Variants in GRIK4 observed in about 807,000 individuals in gnomAD.
The protein encoded by GRIK4 is glutamate receptor ionotropic, kainate 4.
In GRIK4, 40 loss-of-function variants were observed where a neutral mutation model predicts 104.9. The ratio of observed to expected loss-of-function variants is 0.38; its 90% CI spans 0.30 to 0.50. GRIK4 has a LOEUF of 0.50. Ranked by LOEUF, GRIK4 falls within the 20% of genes least tolerant of loss-of-function variation. The probability of loss-of-function intolerance (pLI) is 0.93; values close to 1 mark genes in which losing one functional copy is unlikely to be tolerated. For missense variants in GRIK4, 1,047 were observed against 1,308.1 expected, an observed-to-expected ratio of 0.80 and a Z score of 3.08; for synonymous variants, 485 against 524.9, an observed-to-expected ratio of 0.92 and a Z score of 1.04.
chr11:120,899,512 C>T (rs1378713745), intron 12 of GRIK4, among the ~76,000 whole-genome samples: 1 of 152,062 alleles, frequency 6.6e-6, no homozygotes, highest in Non-Finnish European at 1.5e-5. Flanking sequence ...AGTTCACCCT[C>T]CCTTCCCTGT....
chr11:120,862,338 A>AC, intron 9 of GRIK4: 1 of 462,870 alleles, frequency 2.2e-6, no homozygotes, highest in Non-Finnish European at 3.8e-6. Flanking sequence ...GTGTAGAGGC[A>AC]CTGAGTTGTC....
chr11:120,661,451 G>A (rs370180456), intron 3 of GRIK4, among the ~76,000 whole-genome samples: 5 of 152,240 alleles, frequency 3.3e-5, no homozygotes, highest in Non-Finnish European at 5.9e-5. Flanking sequence ...GGGTGGGGTT[G>A]GGGGTGGGAG....
chr11:120,580,394 G>T (rs1441820483), intron 1 of GRIK4, among the ~76,000 whole-genome samples: 1 of 151,890 alleles, frequency 6.6e-6, no homozygotes, highest in Non-Finnish European at 1.5e-5. Context: ...TCCTGCCTCA[G>T]CCTCCTAAGT....
At chr11:120,621,928 TCTCA>T (rs1243655988) in intron 1 of GRIK4, among the ~76,000 whole-genome samples, 1 of 151,984 alleles carries the variant, frequency 6.6e-6, no homozygotes, top group Non-Finnish European at 1.5e-5. Flanking sequence ...TGAGACAGAG[TCTCA>T]CTCTGTCGCC....
chr11:120,674,108 A>G (rs2135272204), intron 3 of GRIK4, among the ~76,000 whole-genome samples: 1 of 152,200 alleles, frequency 6.6e-6, no homozygotes, highest in Middle Eastern at 3.4e-3. Flanking sequence ...CCAGAGATGC[A>G]CCATTAGTGC....
intron 14 of GRIK4, among the ~76,000 whole-genome samples, chr11:120,943,159 A>ACACAC (rs1382888508): frequency 6.1e-5 from 3 of 49,400 alleles, no homozygotes; most frequent in Non-Finnish European, 1.1e-4. Context: ...CACCCCCCTG[A>ACACAC]CTGTTTGGTG....
At chr11:120,725,343 C>T (rs76086405) in intron 3 of GRIK4, among the ~76,000 whole-genome samples, 5,338 of 152,164 alleles carry the variant, frequency 0.035, 123 homozygotes, top group East Asian at 0.093. Flanking sequence ...GTTCTGTTAC[C>T]AAAACACCAG....
intron 3 of GRIK4, among the ~76,000 whole-genome samples, chr11:120,747,977 C>T (rs1279017255): frequency 6.6e-6 from 1 of 152,204 alleles, no homozygotes; most frequent in Admixed American, 6.5e-5. Context: ...CATGATCCAG[C>T]AACTAAGTGG....
rs894316690 is a variant in GRIK4, at chr11:120,988,279, G to A, written c.*2019G>A. The A allele has an allele frequency of 3.9e-5, 6 of 152,090 alleles. No homozygotes were observed. Among genetic ancestry groups the A allele is most frequent in the African/African-American group, 1.5e-4 (6 of 41,366 alleles). The allele number at this position is 152,090 out of a possible 1,614,324, so 9.4% of individuals were successfully genotyped here. A position where few individuals can be genotyped will look rare whatever the true frequency, so the allele number is the denominator to read the frequency against. On this transcript the variant is annotated 3_prime_UTR_variant, in exon 21 of 21. Transcript: ENST00000527524. Reference sequence around the variant, plus strand: ...TGCCTTGATCCTCGTGGAGAAACGTGGATTTGGTGGGAAGGGCACCCGAAG... The same window carrying A: ...TGCCTTGATCCTCGTGGAGAAACGTAGATTTGGTGGGAAGGGCACCCGAAG...
intron 1 of GRIK4, among the ~76,000 whole-genome samples, chr11:120,515,363 A>G (rs1448194502): frequency 6.6e-6 from 1 of 151,830 alleles, no homozygotes; most frequent in East Asian, 1.9e-4. Context: ...TAAAATGGGG[A>G]CTCTGAGCCT....
At chr11:120,631,132 G>A (rs1261787847) in intron 1 of GRIK4, among the ~76,000 whole-genome samples, 2 of 152,342 alleles carry the variant, frequency 1.3e-5, no homozygotes, top group African/African-American at 4.8e-5. Flanking sequence ...CACTCAGCAC[G>A]GTGTCCGGCT....
At chr11:120,636,335 G>A (rs187580656) in intron 1 of GRIK4, among the ~76,000 whole-genome samples, 56 of 152,292 alleles carry the variant, frequency 3.7e-4, no homozygotes, top group African/African-American at 1.3e-3. Context: ...CCCTCCCATG[G>A]CACTCTGTCA....
intron 3 of GRIK4, among the ~76,000 whole-genome samples, chr11:120,780,053 A>G (rs1049497254): frequency 6.6e-6 from 1 of 152,206 alleles, no homozygotes; most frequent in Non-Finnish European, 1.5e-5. Context: ...TGAAGTGGGA[A>G]TAGTACTATT....
In GRIK4 at chr11:120,956,660, G is replaced by A; in HGVS notation, c.1701-120G>A. 1 of 554,396 alleles carries A rather than the reference G, an allele frequency of 1.8e-6. No homozygotes were observed. Among genetic ancestry groups the A allele is most frequent in the East Asian group, 3.1e-5 (1 of 32,320 alleles). The allele number at this position is 554,396 out of a possible 1,614,324, so 34.3% of individuals were successfully genotyped here. A position where few individuals can be genotyped will look rare whatever the true frequency, so the allele number is the denominator to read the frequency against. On this transcript the variant is annotated intron_variant, in intron 15 of 20. Coordinates refer to ENST00000527524, the MANE Select transcript of GRIK4 (RefSeq NM_014619.5). The surrounding 1 kb of genome is among the most constrained non-coding windows in gnomAD (Gnocchi z 4.6). ...TTGCGAAACTCCAAGTCCAGCAAAG[G>A]GAAGTGGCTTGCCCAAGGCCACAGG...
Position 120,549,685 on chromosome 11 carries a change from C to T in GRIK4, c.-159+37798C>T, listed in dbSNP as rs746433388. 4.6e-5 allele frequency among the ~76,000 whole-genome samples: 7 copies of T among 152,126 alleles called. No individual in the cohort carries two copies. Among genetic ancestry groups the T allele is most frequent in the Non-Finnish European group, 7.4e-5 (5 of 68,012 alleles). On this transcript the variant is annotated intron_variant, in intron 1 of 20. Transcript: ENST00000527524. The surrounding 1 kb of genome is among the most constrained non-coding windows in gnomAD (Gnocchi z 4.7). ...AGACAAGCAGAGGCTGAGGGCGGGT[C>T]GTGGGCCCCTGGGAGATCTGGGGTG... is the stretch of plus-strand genomic sequence containing the variant.
At chr11:120,900,921 G>C (rs949529467) in intron 12 of GRIK4, among the ~76,000 whole-genome samples, 31 of 152,192 alleles carry the variant, frequency 2.0e-4, no homozygotes, top group Non-Finnish European at 4.3e-4. Flanking sequence ...TCCACTTTGG[G>C]GGAGGGGGTG....
chr11:120,907,776 AG>A (rs1479462080), intron 13 of GRIK4, among the ~76,000 whole-genome samples: 1 of 152,112 alleles, frequency 6.6e-6, no homozygotes, highest in Non-Finnish European at 1.5e-5. Flanking sequence ...ATGGGGCTGT[AG>A]GGGGAAGGCT....
chr11:120,814,808 CTTCT>C (rs746025443), intron 4 of GRIK4, among the ~76,000 whole-genome samples: 1 of 152,164 alleles, frequency 6.6e-6, no homozygotes, highest in Non-Finnish European at 1.5e-5. Flanking sequence ...ACAGATGAAA[CTTCT>C]TTCTGCCTCT....
At chr11:120,646,003 A>G (rs1949538883) in intron 1 of GRIK4, among the ~76,000 whole-genome samples, 1 of 152,196 alleles carries the variant, frequency 6.6e-6, no homozygotes, top group South Asian at 2.1e-4. Flanking sequence ...CCAGCCCCAG[A>G]TGCCGTTCCA....
Sources: gnomAD v4.1 joint callset for allele counts (sites outside exome capture counted in the v4.1 genomes callset) on GRCh38, gnomAD v4.1.1 for gene constraint, Gnocchi (gnomAD v3.1) non-coding constraint, MANE v1.5 for transcripts, NCBI Gene and HGNC (gene_info 2026-07-23, HGNC 2026-07-21) for gene names.